Variants in TMEM132D observed in about 807,000 individuals in gnomAD.
TMEM132D encodes transmembrane protein 132D, also known as mature OL transmembrane protein.
Under a neutral mutation model 62.3 loss-of-function variants are expected in TMEM132D, and 21 were observed. The observed-to-expected ratio is 0.34, with a 90% CI of 0.24 to 0.49. The LOEUF is 0.49. Ranked by LOEUF, TMEM132D falls within the 20% of genes least tolerant of loss-of-function variation. TMEM132D has a pLI of 0.99. For synonymous variants in TMEM132D, 621 were observed against 575.6 expected (o/e 1.08, Z -1.13); for missense variants, 1,346 against 1,402.8 (o/e 0.96, Z 0.65).
intron 2 of TMEM132D, among the ~76,000 whole-genome samples, chr12:129,569,356 C>CA (rs149422581): frequency 2.0e-5 from 3 of 151,620 alleles, no homozygotes; most frequent in Non-Finnish European, 4.4e-5. Context: ...TGCACAGGTA[C>CA]AAAAAAAATG....
chr12:129,155,698 C>T (rs2135538207), intron 5 of TMEM132D, among the ~76,000 whole-genome samples: 1 of 152,312 alleles, frequency 6.6e-6, no homozygotes, highest in Admixed American at 6.5e-5. Context: ...GAGTAAGAGA[C>T]AGGAAGGGCT....
chr12:129,531,791 CT>C (rs1175578406), intron 2 of TMEM132D, among the ~76,000 whole-genome samples: 1 of 152,194 alleles, frequency 6.6e-6, no homozygotes, highest in Non-Finnish European at 1.5e-5. Flanking sequence ...GCCCTGTTTG[CT>C]TTTTATAATC....
At chr12:129,866,507 G>A (rs542048510) in intron 1 of TMEM132D, among the ~76,000 whole-genome samples, 14 of 151,838 alleles carry the variant, frequency 9.2e-5, no homozygotes, top group Non-Finnish European at 1.6e-4. Flanking sequence ...ACGAGTTAAT[G>A]AGTGCAGCAC....
intron 5 of TMEM132D, among the ~76,000 whole-genome samples, chr12:129,112,689 A>G (rs922809475): frequency 6.6e-6 from 1 of 152,214 alleles, no homozygotes; most frequent in African/African-American, 2.4e-5. Context: ...GTAAGATTAA[A>G]GATTTACTTC....
chr12:129,493,896 G>A (rs1200109743), intron 3 of TMEM132D, among the ~76,000 whole-genome samples: 6 of 152,200 alleles, frequency 3.9e-5, no homozygotes, highest in Non-Finnish European at 8.8e-5. Flanking sequence ...TTGAGAAAGA[G>A]AGAAAAGCAT....
chr12:129,323,342 T>G (rs1430647332), intron 4 of TMEM132D, among the ~76,000 whole-genome samples: 1 of 152,184 alleles, frequency 6.6e-6, no homozygotes, highest in Non-Finnish European at 1.5e-5. Flanking sequence ...TTAGAGAAAT[T>G]GATATAAATC....
chr12:129,136,540 A>G (rs1179778747), intron 5 of TMEM132D, among the ~76,000 whole-genome samples: 2 of 152,216 alleles, frequency 1.3e-5, no homozygotes, highest in Non-Finnish European at 2.9e-5. Context: ...ATCATATCAG[A>G]AGGTACATTG....
chr12:129,461,537 A>G (rs1297508497), intron 3 of TMEM132D, among the ~76,000 whole-genome samples: 4 of 152,190 alleles, frequency 2.6e-5, no homozygotes, highest in Non-Finnish European at 5.9e-5. Context: ...TCACATGAAT[A>G]GACTGATCTA....
At chr12:129,407,869 A>G (rs185999902) in intron 3 of TMEM132D, among the ~76,000 whole-genome samples, 2,430 of 150,914 alleles carry the variant, frequency 0.016, 75 homozygotes, top group African/African-American at 0.055. Context: ...CAGCCTGGGC[A>G]ACAGAGCGAG....
At chr12:129,596,655 T>C (rs1383952882) in intron 2 of TMEM132D, among the ~76,000 whole-genome samples, 1 of 152,220 alleles carries the variant, frequency 6.6e-6, no homozygotes, top group Admixed American at 6.5e-5. Context: ...TAAATCATTG[T>C]TATATTGTAT....
chr12:129,671,017 T>C (rs991801145), intron 2 of TMEM132D, among the ~76,000 whole-genome samples: 2 of 152,220 alleles, frequency 1.3e-5, no homozygotes, highest in Non-Finnish European at 2.9e-5. Flanking sequence ...TTAAAAAATC[T>C]TGGAAATATT....
chr12:129,251,452 T>A (rs1387310146), intron 4 of TMEM132D, among the ~76,000 whole-genome samples: 3 of 151,266 alleles, frequency 2.0e-5, no homozygotes, highest in African/African-American at 7.3e-5. Flanking sequence ...GAGTTAATTA[T>A]CATATCCCTT....
At chr12:129,705,651 T>C (rs1043307340) in intron 1 of TMEM132D, among the ~76,000 whole-genome samples, 1 of 152,174 alleles carries the variant, frequency 6.6e-6, no homozygotes, top group Non-Finnish European at 1.5e-5. Flanking sequence ...GCTTATTATC[T>C]GGGACACCAG....
At chr12:129,294,716 A>G (rs1432229876) in intron 4 of TMEM132D, among the ~76,000 whole-genome samples, 1 of 152,086 alleles carries the variant, frequency 6.6e-6, no homozygotes, top group East Asian at 1.9e-4. Flanking sequence ...GGTCCCAAGC[A>G]TTTTTATTTT....
At chr12:129,220,828 G>A (rs138994431) in intron 4 of TMEM132D, among the ~76,000 whole-genome samples, 9 of 151,308 alleles carry the variant, frequency 5.9e-5, no homozygotes, top group African/African-American at 2.2e-4. Context: ...CAGATGTCCA[G>A]ATCAGGTATA....
intron 1 of TMEM132D, among the ~76,000 whole-genome samples, chr12:129,743,595 GAATGGACT>G (rs1869677292): frequency 6.6e-6 from 1 of 151,606 alleles, no homozygotes; most frequent in Non-Finnish European, 1.5e-5. Context: ...AGCAGCATGA[GAATGGACT>G]AATGCATCCC....
At chr12:129,709,392 AT>A in intron 1 of TMEM132D, among the ~76,000 whole-genome samples, 1 of 152,208 alleles carries the variant, frequency 6.6e-6, no homozygotes, top group East Asian at 1.9e-4. Context: ...ATATGTAACT[AT>A]TTATTAGAAT....
In TMEM132D at chr12:129,903,607, T is replaced by C; in HGVS notation, c.-268A>G. ...TCCCTCCTTCGACCCCAACAGAATT[T>C]TTTTTAAATTTTAATCCACAGGGGG... On this transcript the variant is annotated 5_prime_UTR_variant, in exon 1 of 9. Transcript: ENST00000422113. This position sits in a 1 kb window ranked among gnomAD's most constrained non-coding sequence, Gnocchi z 6.2. 1 of 496,218 alleles carries C rather than the reference T, an allele frequency of 2.0e-6. No individual in the cohort carries two copies. Among genetic ancestry groups the C allele is most frequent in the East Asian group, 3.3e-5 (1 of 29,940 alleles). The allele number at this position is 496,218 out of a possible 1,614,324, so 30.7% of individuals were successfully genotyped here.
At chr12:129,694,922 C>T (rs1207099630) in intron 2 of TMEM132D, among the ~76,000 whole-genome samples, 3 of 152,144 alleles carry the variant, frequency 2.0e-5, no homozygotes, top group South Asian at 2.1e-4. Context: ...GCAGGAGAAT[C>T]GCTTGAACCT....
Sources: gnomAD v4.1 joint callset for allele counts (sites outside exome capture counted in the v4.1 genomes callset) on GRCh38, gnomAD v4.1.1 for gene constraint, Gnocchi (gnomAD v3.1) non-coding constraint, MANE v1.5 for transcripts, NCBI Gene and HGNC (gene_info 2026-07-23, HGNC 2026-07-21) for gene names.